Variants in SLC25A37 observed in about 807,000 individuals in gnomAD.
SLC25A37 encodes mitoferrin-1.
In SLC25A37, 17 loss-of-function variants were observed where a neutral mutation model predicts 31.0. That is an observed-to-expected ratio of 0.55 (90% CI 0.38 to 0.82). The LOEUF (loss-of-function observed/expected upper bound fraction) is 0.82. Among genes scored for constraint, SLC25A37 ranks in the 40% least tolerant of loss-of-function variants. SLC25A37 has a pLI of 0.00. For synonymous variants in SLC25A37, 222 were observed against 193.0 expected (o/e 1.15, Z -1.24); for missense variants, 404 against 465.8 (o/e 0.87, Z 1.22).
chr8:23,548,075 G>A (rs1389918491), intron 1 of SLC25A37, among the ~76,000 whole-genome samples: 2 of 152,210 alleles, frequency 1.3e-5, no homozygotes, highest in East Asian at 3.9e-4. Flanking sequence ...TTGGGGAGCT[G>A]GGGAGCCTCC....
intron 3 of SLC25A37, among the ~76,000 whole-genome samples, chr8:23,569,363 G>A (rs1297152533): frequency 6.6e-6 from 1 of 151,282 alleles, no homozygotes; most frequent in East Asian, 1.9e-4. Flanking sequence ...TGGTGATTCT[G>A]TTGCATGCTT....
At chr8:23,559,014 G>A (rs1802440559) in intron 1 of SLC25A37, among the ~76,000 whole-genome samples, 1 of 152,204 alleles carries the variant, frequency 6.6e-6, no homozygotes, top group African/African-American at 2.4e-5. Flanking sequence ...CTGCTTCAAG[G>A]GCATAGGTTC....
rs1284656832 is a variant in SLC25A37 at position 23,529,502 on chromosome 8, C to A, written c.210+290C>A. Among the ~76,000 whole-genome samples the A allele has an allele frequency of 6.6e-6, 1 of 152,024 alleles. No homozygotes were observed. Among genetic ancestry groups the A allele is most frequent in the Non-Finnish European group, 1.5e-5 (1 of 67,946 alleles). On this transcript the variant is annotated intron_variant, in intron 1 of 3. Transcript: ENST00000519973. The surrounding 1 kb of genome is among the most constrained non-coding windows in gnomAD (Gnocchi z 4.1). ...GCGGGGGAGGCGGAGTGGCGAGCACCGCTGGCTTCGGCGGCGACTGGGCTC... is the reference window on the plus strand; with the variant it reads ...GCGGGGGAGGCGGAGTGGCGAGCACAGCTGGCTTCGGCGGCGACTGGGCTC...
intron 2 of SLC25A37, chr8:23,566,844 C>T (rs1212787197): frequency 1.3e-5 from 13 of 985,516 alleles, no homozygotes; most frequent in Middle Eastern, 5.2e-4. Context: ...ACAAAGGACT[C>T]GCGCAACGCA....
At chr8:23,538,390 AAAAAAAAAAAAAAAAAC>A (rs201220739) in intron 1 of SLC25A37, among the ~76,000 whole-genome samples, 3,052 of 149,390 alleles carry the variant, frequency 0.02, 113 homozygotes, top group East Asian at 0.07. Flanking sequence ...CAAAAAAAAA[AAAAAAAAAAAAAAAAAC>A]CAGAAAAAAA....
rs968037193 is a variant in SLC25A37 at position 23,574,042 on chromosome 8, C to A, written c.*2187C>A. ...ATTTGTAAAAAAATTATCCTACCAC[C>A]CCTTTTGGTCCACTTAAGATATGCC... is the stretch of plus-strand genomic sequence containing the variant. On this transcript the variant is annotated 3_prime_UTR_variant, in exon 4 of 4. Coordinates refer to ENST00000519973, the MANE Select transcript of SLC25A37 (RefSeq NM_016612.4). The A allele has an allele frequency of 1.4e-5, 5 of 355,336 alleles. No individual in the cohort carries two copies. Among genetic ancestry groups the A allele is most frequent in the Admixed American group, 7.0e-5 (2 of 28,602 alleles). The allele number at this position is 355,336 out of a possible 1,614,324, so 22.0% of individuals were successfully genotyped here.
At chr8:23,530,643 G>T (rs1166597824) in intron 1 of SLC25A37, among the ~76,000 whole-genome samples, 1 of 152,202 alleles carries the variant, frequency 6.6e-6, no homozygotes, top group African/African-American at 2.4e-5. Flanking sequence ...GTATGGGAAA[G>T]AATCCCTCAA....
At chr8:23,535,122 C>T (rs1801739334) in intron 1 of SLC25A37, among the ~76,000 whole-genome samples, 1 of 152,226 alleles carries the variant, frequency 6.6e-6, no homozygotes, top group South Asian at 2.1e-4. Flanking sequence ...ACTGCTGCAG[C>T]TGCTGGGGCC....
chr8:23,551,486 C>G (rs530821588), intron 1 of SLC25A37, among the ~76,000 whole-genome samples: 14 of 151,966 alleles, frequency 9.2e-5, no homozygotes, highest in Non-Finnish European at 1.9e-4. Context: ...TGCTCCCAAC[C>G]AGGGCAGATC....
intron 1 of SLC25A37, among the ~76,000 whole-genome samples, chr8:23,549,098 ACT>A (rs200667853): frequency 6.6e-6 from 1 of 151,410 alleles, no homozygotes; most frequent in African/African-American, 2.4e-5. Context: ...GATTTTTAGT[ACT>A]CTCTCTCTCC....
At chr8:23,533,770 G>A (rs1031102491) in intron 1 of SLC25A37, among the ~76,000 whole-genome samples, 2 of 152,160 alleles carry the variant, frequency 1.3e-5, no homozygotes, top group African/African-American at 4.8e-5. Context: ...CCGAAATACC[G>A]GCTGTCATGT....
At chr8:23,565,848 G>T (rs1802637249) in intron 1 of SLC25A37, among the ~76,000 whole-genome samples, 1 of 152,250 alleles carries the variant, frequency 6.6e-6, no homozygotes, top group Non-Finnish European at 1.5e-5. Flanking sequence ...GCCAGTGGCA[G>T]GGGAAGGTCT....
intron 1 of SLC25A37, among the ~76,000 whole-genome samples, chr8:23,560,768 A>C (rs746441073): frequency 6.6e-6 from 1 of 152,204 alleles, no homozygotes; most frequent in Non-Finnish European, 1.5e-5. Flanking sequence ...GGCAGAACTC[A>C]ATCTTTTAGA....
rs556804189 is a variant in SLC25A37, at chr8:23,549,855, C to A, written c.211-16253C>A. 2.2e-4 allele frequency among the ~76,000 whole-genome samples: 30 copies of A among 138,176 alleles called. 2 individuals carry two copies. Among genetic ancestry groups the A allele is most frequent in the Non-Finnish European group, 4.2e-4 (28 of 67,214 alleles). 90.6% of individuals were successfully genotyped at this position (138,176 alleles called of 152,430 possible). ...CCCAGCTGTTAACCTGTGGGGTGGG[C>A]CCCAGACTGTGGCCAGGTGCATTGC... On this transcript the variant is annotated intron_variant, in intron 1 of 3. Coordinates refer to ENST00000519973, the MANE Select transcript of SLC25A37 (RefSeq NM_016612.4).
At chr8:23,534,635 G>A (rs1046696668) in intron 1 of SLC25A37, among the ~76,000 whole-genome samples, 1 of 152,120 alleles carries the variant, frequency 6.6e-6, no homozygotes, top group African/African-American at 2.4e-5. Flanking sequence ...ATGGACCCTT[G>A]AGTCCAAATC....
At chr8:23,538,997 C>T (rs1048983048) in intron 1 of SLC25A37, among the ~76,000 whole-genome samples, 2 of 152,174 alleles carry the variant, frequency 1.3e-5, no homozygotes, top group African/African-American at 4.8e-5. Flanking sequence ...CTCCCTCCCA[C>T]GGTGGTTAGT....
At position 23,564,372 on chromosome 8, in the gene SLC25A37, A is replaced by T. The variant is rs73557707; in HGVS notation, c.211-1736A>T. Among the ~76,000 whole-genome samples, 491 of 148,738 alleles carry T rather than the reference A, an allele frequency of 3.3e-3. 3 individuals carry two copies. Among genetic ancestry groups the T allele is most frequent in the African/African-American group, 0.011 (442 of 40,412 alleles). ...AATCAGAGAAGCCCTCCTTTTTTAT[A>T]TGTAGGATTAGATTTTTTTTATGAT... On this transcript the variant is annotated intron_variant, in intron 1 of 3. Coordinates refer to ENST00000519973, the MANE Select transcript of SLC25A37 (RefSeq NM_016612.4).
chr8:23,570,626 A>G (rs1240754335), intron 3 of SLC25A37, among the ~76,000 whole-genome samples: 1 of 152,162 alleles, frequency 6.6e-6, no homozygotes, highest in Admixed American at 6.5e-5. Flanking sequence ...GTGAGGCTCA[A>G]ACTCTCTCTT....
At position 23,566,327 on chromosome 8, in the gene SLC25A37, C is replaced by G. The variant is rs757258853; in HGVS notation, c.430C>G (p.Leu144Val). 16 of 1,596,156 alleles carry G rather than the reference C, an allele frequency of 1.0e-5. No individual in the cohort carries two copies. Among genetic ancestry groups the G allele is most frequent in the Non-Finnish European group, 1.2e-5 (14 of 1,173,950 alleles). ...DVFHHQGNSH[L>V]ANGIAGSMAT... is the part of the protein sequence containing the mutation. ...TTTCCACCACCAAGGAAACAGCCACCTAGCCAACGGTATTTTGAAAGCGTT... is the reference window on the plus strand; with the variant it reads ...TTTCCACCACCAAGGAAACAGCCACGTAGCCAACGGTATTTTGAAAGCGTT... The change falls in exon 2 of 4, where the codon CTA becomes GTA. Residue 144 changes from leucine (L) to valine (V), a missense_variant. Transcript: ENST00000519973.
Sources: gnomAD v4.1 joint callset for allele counts (sites outside exome capture counted in the v4.1 genomes callset) on GRCh38, gnomAD v4.1.1 for gene constraint, Gnocchi (gnomAD v3.1) non-coding constraint, MANE v1.5 for transcripts, NCBI Gene and HGNC (gene_info 2026-07-23, HGNC 2026-07-21) for gene names.